Variants in SRGAP2C observed in about 807,000 individuals in gnomAD.
SRGAP2C encodes the protein SLIT-ROBO Rho GTPase activating protein 2C.
SRGAP2C carries 15 observed loss-of-function variants against 25.1 expected under a neutral mutation model. The observed-to-expected ratio is 0.60, with a 90% CI of 0.40 to 0.92. The LOEUF (loss-of-function observed/expected upper bound fraction) is 0.92. Ranked by LOEUF, SRGAP2C falls within the 40% of genes least tolerant of loss-of-function variation. The pLI, the probability that SRGAP2C is intolerant of heterozygous loss-of-function variation, is 0.00. For synonymous variants in SRGAP2C, 44 were observed against 96.6 expected (o/e 0.46, Z 3.19); for missense variants, 144 against 264.4 (o/e 0.54, Z 3.16).
At chr1:121,351,128 GA>G in intron 4 of SRGAP2C, among the ~76,000 whole-genome samples, 1 of 152,018 alleles carries the variant, frequency 6.6e-6, no homozygotes. Flanking sequence ...GGAGGAATCA[GA>G]ACCCTCATAC....
chr1:121,285,264 T>G, intron 3 of SRGAP2C, among the ~76,000 whole-genome samples: 1 of 151,280 alleles, frequency 6.6e-6, no homozygotes, highest in South Asian at 2.1e-4. Flanking sequence ...GGGCTTTACA[T>G]ATATGTTAGT....
rs1244744324 is a variant in SRGAP2C at position 121,388,414 on chromosome 1, T to A, written c.*559T>A. The A allele has an allele frequency of 1.7e-5, 1 of 57,466 alleles. No homozygotes were observed. Among genetic ancestry groups the A allele is most frequent in the Admixed American group, 1.9e-4 (1 of 5,198 alleles). 3.6% of individuals were successfully genotyped at this position (57,466 alleles called of 1,614,324 possible). Reference sequence around the variant, plus strand: ...TTCTTTTAGACAGTTGGACCCTTTTTTCTTTTTCTTTTTTTTTTTTTTTTT... The same window carrying A: ...TTCTTTTAGACAGTTGGACCCTTTTATCTTTTTCTTTTTTTTTTTTTTTTT... On this transcript the variant is annotated 3_prime_UTR_variant, in exon 10 of 10. Coordinates refer to ENST00000367123, the MANE Select transcript of SRGAP2C (RefSeq NM_001329984.2).
chr1:121,218,783 C>G (rs1397424748), intron 2 of SRGAP2C, among the ~76,000 whole-genome samples: 2 of 152,176 alleles, frequency 1.3e-5, no homozygotes, highest in East Asian at 3.9e-4. Context: ...CACGTATTCA[C>G]AAATCTTTTT....
At chr1:121,384,852 TAAAG>T (rs1264474447) in intron 8 of SRGAP2C, among the ~76,000 whole-genome samples, 2 of 152,188 alleles carry the variant, frequency 1.3e-5, no homozygotes, top group Non-Finnish European at 2.9e-5. Flanking sequence ...TGCTACTTCT[TAAAG>T]GAACAGGCTT....
At chr1:121,347,682 A>G (rs1348943524) in intron 4 of SRGAP2C, among the ~76,000 whole-genome samples, 1 of 152,240 alleles carries the variant, frequency 6.6e-6, no homozygotes, top group East Asian at 1.9e-4. Flanking sequence ...AGCTAGAAGG[A>G]CATCTTGATT....
chr1:121,270,584 CT>C (rs1656922167), intron 2 of SRGAP2C, among the ~76,000 whole-genome samples: 1 of 131,822 alleles, frequency 7.6e-6, no homozygotes, highest in Admixed American at 7.9e-5. Context: ...TATTTAAAAA[CT>C]TTTTATTATA....
At chr1:121,357,159 T>A (rs587682652) in intron 4 of SRGAP2C, among the ~76,000 whole-genome samples, 1,671 of 136,104 alleles carry the variant, frequency 0.012, 16 homozygotes, top group Non-Finnish European at 0.017. Flanking sequence ...GCATTACTTG[T>A]GGGTTATCAA....
intron 2 of SRGAP2C, among the ~76,000 whole-genome samples, chr1:121,188,199 G>A (rs1654572119): frequency 6.6e-6 from 1 of 152,192 alleles, no homozygotes; most frequent in South Asian, 2.1e-4. Context: ...TCTGGAAAAT[G>A]GGAAGACATA....
At position 121,343,563 on chromosome 1, in the gene SRGAP2C, TC is replaced by T. The variant is rs1233818812; in HGVS notation, c.423+18926del. Among the ~76,000 whole-genome samples the T allele has an allele frequency of 5.7e-5, 5 of 87,720 alleles. 1 individual carries two copies. Among genetic ancestry groups the T allele is most frequent in the Non-Finnish European group, 9.2e-5 (4 of 43,636 alleles). The allele number at this position is 87,720 out of a possible 152,430, so 57.5% of individuals were successfully genotyped here. ...GGGCTATGCAGTGTCTGCTTCATCC[TC>T]CCATCAGCCCTGGAGGAAAGCCAGG... On this transcript the variant is annotated intron_variant, in intron 4 of 9. Transcript: ENST00000367123.
chr1:121,366,605 A>C (rs1168627301), intron 5 of SRGAP2C, among the ~76,000 whole-genome samples: 1 of 151,010 alleles, frequency 6.6e-6, no homozygotes, highest in South Asian at 2.1e-4. Flanking sequence ...CCATTTTCAG[A>C]CTGGATGGGT....
chr1:121,289,167 C>G (rs1339464934), intron 3 of SRGAP2C, among the ~76,000 whole-genome samples: 3 of 148,762 alleles, frequency 2.0e-5, no homozygotes, highest in Non-Finnish European at 3.0e-5. Context: ...TGGTGCTCGT[C>G]GGGGAGGCTC....
intron 2 of SRGAP2C, among the ~76,000 whole-genome samples, chr1:121,238,624 T>C (rs1356544767): frequency 6.6e-6 from 1 of 151,812 alleles, no homozygotes; most frequent in South Asian, 2.1e-4. Context: ...TTTTTTTTTT[T>C]CTTTTATGAG....
In SRGAP2C at chr1:121,288,871, G is replaced by A. The variant is rs1204579836; in HGVS notation, c.260+3876G>A. ...TGGTGTATTTACAGTCCTTGAGCTAGACATAAAGGTTCTCCACGTCCTCAC... is the reference window on the plus strand; with the variant it reads ...TGGTGTATTTACAGTCCTTGAGCTAAACATAAAGGTTCTCCACGTCCTCAC... On this transcript the variant is annotated intron_variant, in intron 3 of 9. Transcript: ENST00000367123. 8.1e-5 allele frequency among the ~76,000 whole-genome samples: 6 copies of A among 74,030 alleles called. 1 individual carries two copies. In the South Asian group the frequency reaches 2.1e-3, roughly 25 times the overall value. The allele number at this position is 74,030 out of a possible 152,430, so 48.6% of individuals were successfully genotyped here. A position where few individuals can be genotyped will look rare whatever the true frequency, so the allele number is the denominator to read the frequency against.
Position 121,374,812 on chromosome 1 carries a change from T to C in SRGAP2C, c.703-14T>C, listed in dbSNP as rs587626107. ...AAAAAAAAAGGTAAAAGTGAACTTC[T>C]GTTTCCTTTTCAGCACCAAGCCAAG... On this transcript the variant is annotated splice_polypyrimidine_tract_variant and intron_variant, in intron 6 of 9. Transcript: ENST00000367123. 9.2e-6 allele frequency: 7 copies of C among 758,612 alleles called. No homozygotes were observed. Among genetic ancestry groups the C allele is most frequent in the Non-Finnish European group, 1.5e-5 (6 of 407,496 alleles). The allele number at this position is 758,612 out of a possible 1,614,324, so 47.0% of individuals were successfully genotyped here. A position where few individuals can be genotyped will look rare whatever the true frequency, so the allele number is the denominator to read the frequency against.
chr1:121,236,228 C>A (rs1345842158), intron 2 of SRGAP2C, among the ~76,000 whole-genome samples: 1 of 152,048 alleles, frequency 6.6e-6, no homozygotes, highest in Non-Finnish European at 1.5e-5. Context: ...ACAGCCTGCA[C>A]CCCTGCTTAT....
chr1:121,355,010 C>CTGG (rs1388152720), intron 4 of SRGAP2C, among the ~76,000 whole-genome samples: 2 of 61,206 alleles, frequency 3.3e-5, no homozygotes, highest in Non-Finnish European at 6.8e-5. Context: ...GCACTCCAGC[C>CTGG]TGGTGATAGA....
chr1:121,367,949 G>A (rs1553349922), intron 5 of SRGAP2C, among the ~76,000 whole-genome samples: 1 of 106,600 alleles, frequency 9.4e-6, no homozygotes, highest in Non-Finnish European at 1.9e-5. Flanking sequence ...GGTGGCGGGT[G>A]CCTGTCGTCC....
chr1:121,212,616 C>T (rs1299244982), intron 2 of SRGAP2C, among the ~76,000 whole-genome samples: 1 of 151,978 alleles, frequency 6.6e-6, no homozygotes, highest in Non-Finnish European at 1.5e-5. Context: ...TCCACTTGAA[C>T]TTCTTTGTAA....
chr1:121,295,734 T>TTCG lies in SRGAP2C; in HGVS notation c.260+10740_260+10741insCGT, dbSNP rs1425362653. On this transcript the variant is annotated intron_variant, in intron 3 of 9. Transcript: ENST00000367123. ...AGAAATAGAGAGGGGCTTTTTTGTT[T>TTCG]TTGTTGTTGTTGTTGTTGTTGTTGT... Among the ~76,000 whole-genome samples, 1,181 of 150,064 alleles carry TTCG rather than the reference T, an allele frequency of 7.9e-3. 6 individuals are homozygous for TTCG. The highest frequency in any genetic ancestry group is 0.017 in the Middle Eastern group (5 of 292).
Sources: gnomAD v4.1 joint callset for allele counts (sites outside exome capture counted in the v4.1 genomes callset) on GRCh38, gnomAD v4.1.1 for gene constraint, MANE v1.5 for transcripts, NCBI Gene and HGNC (gene_info 2026-07-23, HGNC 2026-07-21) for gene names.